CLVS1: variants seen among roughly 807,000 people sequenced by gnomAD.
The protein encoded by CLVS1 is clavesin 1, also known as clavesin-1.
In CLVS1, 10 loss-of-function variants were observed where a neutral mutation model predicts 33.1. That is an observed-to-expected ratio of 0.30 (90% CI 0.19 to 0.51). CLVS1 has a LOEUF of 0.51. Ranked by LOEUF, CLVS1 falls within the 20% of genes least tolerant of loss-of-function variation. The probability of loss-of-function intolerance (pLI) is 0.97; values close to 1 mark genes in which losing one functional copy is unlikely to be tolerated. For synonymous variants in CLVS1, 163 were observed against 166.1 expected (o/e 0.98, Z 0.14); for missense variants, 343 against 433.4 (o/e 0.79, Z 1.85).
chr8:61,455,526 A>G (rs1182935306), intron 4 of CLVS1, among the ~76,000 whole-genome samples: 4 of 152,116 alleles, frequency 2.6e-5, no homozygotes, highest in African/African-American at 9.7e-5. Flanking sequence ...ACATTGTTGA[A>G]AATGACAGGA....
intron 2 of CLVS1, among the ~76,000 whole-genome samples, chr8:61,310,749 C>A (rs1359036156): frequency 6.6e-6 from 1 of 152,312 alleles, no homozygotes; most frequent in East Asian, 1.9e-4. Flanking sequence ...TCCAGCCCAG[C>A]AAAGGACACT....
chr8:60,972,601 C>T, the CLVS1 span, among the ~76,000 whole-genome samples: 1 of 152,046 alleles, frequency 6.6e-6, no homozygotes, highest in African/African-American at 2.4e-5. Context: ...CTAAGGTTGG[C>T]CTTTTGAGAT....
At chr8:60,986,262 C>T in the CLVS1 span, among the ~76,000 whole-genome samples, 35 of 152,186 alleles carry the variant, frequency 2.3e-4, no homozygotes, top group Non-Finnish European at 7.3e-5. Context: ...CAGCCACAAG[C>T]CCATTTTCTC....
At position 61,499,626 on chromosome 8, in the gene CLVS1, A is replaced by C. The variant is rs2129609073; in HGVS notation, c.*84A>C. The C allele has an allele frequency of 1.1e-6, 1 of 943,754 alleles. No homozygotes were observed. The highest frequency in any genetic ancestry group is 2.5e-5 in the East Asian group (1 of 40,336). 58.5% of individuals were successfully genotyped at this position (943,754 alleles called of 1,614,324 possible). A position where few individuals can be genotyped will look rare whatever the true frequency, so the allele number is the denominator to read the frequency against. On this transcript the variant is annotated 3_prime_UTR_variant, in exon 6 of 6. Transcript: ENST00000325897. ...AAGCACATGCACAACTGACCCATGC[A>C]GACACGTGTGTTCTGCTTGACACAA...
chr8:61,255,711 A>T (rs1809064045), intron 2 of CLVS1, among the ~76,000 whole-genome samples: 1 of 152,190 alleles, frequency 6.6e-6, no homozygotes, highest in African/African-American at 2.4e-5. Flanking sequence ...ATAAATCTCT[A>T]GGGCAGCACG....
chr8:60,975,420 T>C, the CLVS1 span, among the ~76,000 whole-genome samples: 2 of 152,084 alleles, frequency 1.3e-5, no homozygotes, highest in African/African-American at 2.4e-5. Context: ...TTAGGGTGGG[T>C]CTAAATCCAA....
intron 1 of CLVS1, among the ~76,000 whole-genome samples, chr8:61,288,884 T>G (rs1422530637): frequency 6.6e-6 from 1 of 152,188 alleles, no homozygotes; most frequent in East Asian, 1.9e-4. Context: ...CACTAAAATG[T>G]TTTGTAAAAT....
chr8:61,399,309 T>A (rs901557921), intron 3 of CLVS1, among the ~76,000 whole-genome samples: 1 of 152,196 alleles, frequency 6.6e-6, no homozygotes, highest in Non-Finnish European at 1.5e-5. Context: ...CTGTTTTTCA[T>A]GTGTTTGTTG....
intron 1 of CLVS1, among the ~76,000 whole-genome samples, chr8:61,119,388 G>T (rs561923096): frequency 2.0e-5 from 3 of 149,420 alleles, no homozygotes; most frequent in African/African-American, 5.0e-5. Flanking sequence ...AGTTAATATT[G>T]TTATGTGTGA....
the CLVS1 span, among the ~76,000 whole-genome samples, chr8:61,031,292 A>T: frequency 6.6e-6 from 1 of 152,312 alleles, no homozygotes; most frequent in East Asian, 1.9e-4. Context: ...AACACCTGGC[A>T]TGGTGCCAGG....
At chr8:61,358,001 C>T (rs1286793032) in intron 2 of CLVS1, among the ~76,000 whole-genome samples, 1 of 152,180 alleles carries the variant, frequency 6.6e-6, no homozygotes, top group Admixed American at 6.5e-5. Context: ...TGTGTCCTCT[C>T]AGTCTCAGTT....
At chr8:61,037,293 C>T in the CLVS1 span, among the ~76,000 whole-genome samples, 1 of 152,172 alleles carries the variant, frequency 6.6e-6, no homozygotes, top group Non-Finnish European at 1.5e-5. Context: ...TCACTCCCTC[C>T]TCCCCACAGC....
At chr8:61,472,882 T>G (rs1437510929) in intron 5 of CLVS1, among the ~76,000 whole-genome samples, 1 of 152,154 alleles carries the variant, frequency 6.6e-6, no homozygotes, top group African/African-American at 2.4e-5. Context: ...AGGAAGTCAG[T>G]GCAGGTGTTA....
intron 5 of CLVS1, among the ~76,000 whole-genome samples, chr8:61,475,799 A>G (rs1252772463): frequency 1.3e-5 from 2 of 152,144 alleles, no homozygotes; most frequent in Admixed American, 1.3e-4. Context: ...TCTTTAGTTT[A>G]ATTAGATACC....
At chr8:61,205,643 T>G (rs917424257) in intron 2 of CLVS1, among the ~76,000 whole-genome samples, 1 of 152,216 alleles carries the variant, frequency 6.6e-6, no homozygotes, top group African/African-American at 2.4e-5. Context: ...ACTTGCTGAA[T>G]CATATGGTAA....
chr8:61,357,334 C>G (rs937845268), intron 2 of CLVS1, among the ~76,000 whole-genome samples: 1 of 151,830 alleles, frequency 6.6e-6, no homozygotes, highest in Non-Finnish European at 1.5e-5. Flanking sequence ...TTAACTGTAC[C>G]TATATTGATG....
intron 3 of CLVS1, among the ~76,000 whole-genome samples, chr8:61,430,175 G>T (rs1023807627): frequency 6.6e-6 from 1 of 152,122 alleles, no homozygotes; most frequent in Non-Finnish European, 1.5e-5. Context: ...AAATAAGTGT[G>T]TCAAGACTGT....
intron 2 of CLVS1, among the ~76,000 whole-genome samples, chr8:61,376,309 A>G (rs1813638864): frequency 6.6e-6 from 1 of 152,218 alleles, no homozygotes; most frequent in African/African-American, 2.4e-5. Context: ...TTTCAACAAA[A>G]TGCAATTGGG....
the CLVS1 span, among the ~76,000 whole-genome samples, chr8:60,974,063 C>T: frequency 2.0e-5 from 3 of 152,254 alleles, no homozygotes; most frequent in African/African-American, 7.2e-5. Context: ...TGTTCTCTTA[C>T]TCCCAAAGGG....
Sources: gnomAD v4.1 joint callset for allele counts (sites outside exome capture counted in the v4.1 genomes callset) on GRCh38, gnomAD v4.1.1 for gene constraint, MANE v1.5 for transcripts, NCBI Gene and HGNC (gene_info 2026-07-23, HGNC 2026-07-21) for gene names.